SNX8: variants seen among roughly 807,000 people sequenced by gnomAD.
The protein encoded by SNX8 is sorting nexin-8.
In SNX8, 25 loss-of-function variants were observed where a neutral mutation model predicts 51.6. The ratio of observed to expected loss-of-function variants is 0.48; its 90% CI spans 0.35 to 0.68. The LOEUF (loss-of-function observed/expected upper bound fraction) is 0.68, where lower values mean the gene tolerates loss of function less well. Ranked by LOEUF, SNX8 falls within the 30% of genes least tolerant of loss-of-function variation. The probability of loss-of-function intolerance (pLI) is 0.00; values close to 1 mark genes in which losing one functional copy is unlikely to be tolerated. For synonymous variants in SNX8, 324 were observed against 277.0 expected (o/e 1.17, Z -1.68); for missense variants, 695 against 624.0 (o/e 1.11, Z -1.21).
Position 2,334,390 on chromosome 7 carries a change from G to A in SNX8, c.-66+19832C>T, listed in dbSNP as rs138613618. On this transcript the variant is annotated intron_variant, in intron 1 of 5. Transcript: ENST00000435336. ...TGGACTCCAGCCAGGGTGACGGAGCGAGACTCCATCTCAAAAAAAAAAAAG... is the reference window on the plus strand; with the variant it reads ...TGGACTCCAGCCAGGGTGACGGAGCAAGACTCCATCTCAAAAAAAAAAAAG... Among the ~76,000 whole-genome samples the A allele has an allele frequency of 9.6e-3, 1,450 of 150,572 alleles. 19 individuals carry two copies. Among genetic ancestry groups the A allele is most frequent in the African/African-American group, 0.034 (1,380 of 40,966 alleles).
intron 1 of SNX8, among the ~76,000 whole-genome samples, chr7:2,350,346 C>A (rs1779112769): frequency 6.6e-6 from 1 of 152,196 alleles, no homozygotes; most frequent in South Asian, 2.1e-4. Flanking sequence ...CAGGCTTCCC[C>A]AAGGGGCCGT....
intron 1 of SNX8, among the ~76,000 whole-genome samples, chr7:2,312,309 C>G (rs1041424071): frequency 6.6e-6 from 1 of 152,122 alleles, no homozygotes; most frequent in African/African-American, 2.4e-5. Flanking sequence ...CTGAAGGAAA[C>G]ACAGTCCCCT....
intron 1 of SNX8, among the ~76,000 whole-genome samples, chr7:2,322,455 G>T (rs999524627): frequency 1.8e-4 from 28 of 152,066 alleles, no homozygotes; most frequent in African/African-American, 6.8e-4. Context: ...AGCACTTTGG[G>T]AGGCCAAGGC....
chr7:2,291,066 G>A (rs1796139789), intron 1 of SNX8, among the ~76,000 whole-genome samples: 1 of 152,144 alleles, frequency 6.6e-6, no homozygotes, highest in Admixed American at 6.6e-5. Context: ...GGCTGAGGCT[G>A]GAGAGGATCA....
intron 1 of SNX8, among the ~76,000 whole-genome samples, chr7:2,293,792 G>A (rs1009138717): frequency 2.1e-5 from 3 of 144,526 alleles, no homozygotes; most frequent in East Asian, 4.1e-4. Flanking sequence ...GTGAAATCCC[G>A]TCTCTACTAA....
chr7:2,332,741 GAA>G (rs1778758545), intron 1 of SNX8, among the ~76,000 whole-genome samples: 1 of 114,382 alleles, frequency 8.7e-6, no homozygotes, highest in Non-Finnish European at 1.9e-5. Flanking sequence ...GAGAGAGAGA[GAA>G]AAGGAAGGAA....
chr7:2,314,528 C>T (rs1194384363), upstream of SNX8: 1 of 1,065,330 alleles, frequency 9.4e-7, no homozygotes. Context: ...GCCCCCTCCC[C>T]CGCGCGCCAC....
chr7:2,306,757 C>T (rs1398439807), intron 1 of SNX8, among the ~76,000 whole-genome samples: 2 of 152,090 alleles, frequency 1.3e-5, no homozygotes, highest in Admixed American at 6.6e-5. Context: ...GAAATTTTTG[C>T]GATTGTGGTT....
At chr7:2,269,147 A>T (rs976476354) in intron 5 of SNX8, among the ~76,000 whole-genome samples, 1 of 147,982 alleles carries the variant, frequency 6.8e-6, no homozygotes, top group Non-Finnish European at 1.5e-5. Flanking sequence ...GTGTAGAAAG[A>T]AGTAGACATG....
chr7:2,303,648 AC>A (rs1796468048), intron 1 of SNX8, among the ~76,000 whole-genome samples: 1 of 152,120 alleles, frequency 6.6e-6, no homozygotes, highest in African/African-American at 2.4e-5. Flanking sequence ...TTGATCTGTG[AC>A]CTTACCACCA....
intron 10 of SNX8, among the ~76,000 whole-genome samples, chr7:2,256,319 G>A (rs754308522): frequency 2.0e-5 from 3 of 152,202 alleles, no homozygotes; most frequent in South Asian, 2.1e-4. Flanking sequence ...CACAGACCAT[G>A]GCTTGAAAGC....
chr7:2,258,218 G>C (rs779153490), intron 7 of SNX8, among the ~76,000 whole-genome samples: 1 of 152,014 alleles, frequency 6.6e-6, no homozygotes, highest in Non-Finnish European at 1.5e-5. Context: ...GGGTTTCACC[G>C]TGTTAGCGAG....
intron 1 of SNX8, among the ~76,000 whole-genome samples, chr7:2,353,093 A>G (rs1779192523): frequency 6.6e-6 from 1 of 152,182 alleles, no homozygotes; most frequent in South Asian, 2.1e-4. Flanking sequence ...CAGGAGTTTG[A>G]GACCAGCCTG....
intron 1 of SNX8, among the ~76,000 whole-genome samples, chr7:2,285,560 T>C (rs1272490741): frequency 6.6e-6 from 1 of 152,078 alleles, no homozygotes; most frequent in Non-Finnish European, 1.5e-5. Flanking sequence ...CATGGAGAAA[T>C]AGAGATGCTT....
chr7:2,307,449 T>C (rs1796568852), intron 1 of SNX8, among the ~76,000 whole-genome samples: 1 of 151,792 alleles, frequency 6.6e-6, no homozygotes, highest in South Asian at 2.1e-4. Flanking sequence ...CTGGCCAACA[T>C]GGTGAAACCC....
At chr7:2,290,550 T>G (rs1048668309) in intron 1 of SNX8, among the ~76,000 whole-genome samples, 1 of 152,172 alleles carries the variant, frequency 6.6e-6, no homozygotes, top group East Asian at 1.9e-4. Flanking sequence ...CAGCACATAA[T>G]AGATGCTAAA....
intron 10 of SNX8, among the ~76,000 whole-genome samples, chr7:2,255,715 A>G (rs1237107435): frequency 6.6e-6 from 1 of 152,244 alleles, no homozygotes; most frequent in African/African-American, 2.4e-5. Context: ...TCAAAACCAA[A>G]AAGCAAACCA....
At chr7:2,344,155 G>A (rs972448123) in intron 1 of SNX8, among the ~76,000 whole-genome samples, 2 of 151,826 alleles carry the variant, frequency 1.3e-5, no homozygotes, top group African/African-American at 4.8e-5. Context: ...AGTGAGCCAT[G>A]ATCACGTAAT....
intron 4 of SNX8, among the ~76,000 whole-genome samples, chr7:2,270,171 G>T (rs1303580024): frequency 1.3e-5 from 2 of 152,032 alleles, no homozygotes; most frequent in East Asian, 3.9e-4. Context: ...TCTGAAAGAG[G>T]CCTCCTGGGC....
Sources: gnomAD v4.1 joint callset for allele counts (sites outside exome capture counted in the v4.1 genomes callset) on GRCh38, gnomAD v4.1.1 for gene constraint, MANE v1.5 for transcripts, NCBI Gene and HGNC (gene_info 2026-07-23, HGNC 2026-07-21) for gene names.